The following RORA variants were observed in gnomAD, a reference collection of about 807,000 sequenced individuals.
The protein encoded by RORA is RAR related orphan receptor A.
RORA carries 7 observed loss-of-function variants against 69.5 expected under a neutral mutation model. That is an observed-to-expected ratio of 0.10 (90% CI 0.06 to 0.19). The LOEUF (loss-of-function observed/expected upper bound fraction) is 0.19. RORA is among the 10% of genes least tolerant of loss of function. The pLI is 1.00. For missense variants in RORA, 457 were observed against 663.0 expected (o/e 0.69, Z 3.41); for synonymous variants, 261 against 240.8 (o/e 1.08, Z -0.78).
chr15:60,855,404 T>C (rs2073368423), intron 1 of RORA, among the ~76,000 whole-genome samples: 1 of 152,166 alleles, frequency 6.6e-6, no homozygotes, highest in South Asian at 2.1e-4. Context: ...CACAGAGCCA[T>C]GTTGAGGAGA....
At chr15:61,074,276 A>C (rs1165310843) in intron 1 of RORA, among the ~76,000 whole-genome samples, 1 of 152,212 alleles carries the variant, frequency 6.6e-6, no homozygotes, top group Non-Finnish European at 1.5e-5. Flanking sequence ...TAAAAGAACA[A>C]GATCAAAGGA....
intron 1 of RORA, among the ~76,000 whole-genome samples, chr15:60,913,502 C>T (rs192952814): frequency 3.1e-4 from 47 of 152,316 alleles, no homozygotes; most frequent in Non-Finnish European, 5.6e-4. Flanking sequence ...CAACTTCCCC[C>T]GTGACTGCCA....
intron 1 of RORA, among the ~76,000 whole-genome samples, chr15:61,125,721 C>T (rs923223817): frequency 6.6e-6 from 1 of 152,172 alleles, no homozygotes; most frequent in Non-Finnish European, 1.5e-5. Flanking sequence ...CCTCTTTTCT[C>T]CTCCCAGTTC....
intron 1 of RORA, among the ~76,000 whole-genome samples, chr15:60,917,883 C>G (rs1057174371): frequency 6.6e-6 from 1 of 152,198 alleles, no homozygotes; most frequent in African/African-American, 2.4e-5. Context: ...AGTGACAAAG[C>G]GTGACAGCGT....
In RORA at chr15:60,489,709, C is replaced by G. The variant is rs1287518548; in HGVS notation, c.*7746G>C. The stretch of plus-strand genomic sequence containing the variant: ...ATGTTATGGCAGAGGACGTCTCCAT[C>G]CTTCTCATGACTCAGGTAGGAGGGG... On this transcript the variant is annotated 3_prime_UTR_variant, in exon 11 of 11. Coordinates refer to ENST00000335670, the MANE Select transcript of RORA (RefSeq NM_134261.3). 6.6e-6 allele frequency: 1 copy of G among 152,104 alleles called. No homozygotes were observed. The highest frequency in any genetic ancestry group is 2.4e-5 in the African/African-American group (1 of 41,418). 9.4% of individuals were successfully genotyped at this position (152,104 alleles called of 1,614,324 possible).
chr15:60,926,029 A>G (rs1892207496), intron 1 of RORA, among the ~76,000 whole-genome samples: 1 of 152,162 alleles, frequency 6.6e-6, no homozygotes, highest in Non-Finnish European at 1.5e-5. Context: ...GGGAGGATAG[A>G]GTAGATTGAA....
chr15:60,517,773 G>A (rs770488086), intron 3 of RORA, among the ~76,000 whole-genome samples: 5 of 152,148 alleles, frequency 3.3e-5, no homozygotes, highest in Non-Finnish European at 7.4e-5. Flanking sequence ...ATTTGTTTTT[G>A]CTTTAGCTGA....
chr15:60,570,076 G>T (rs1432859672), intron 2 of RORA, among the ~76,000 whole-genome samples: 2 of 152,044 alleles, frequency 1.3e-5, no homozygotes, highest in Non-Finnish European at 2.9e-5. Flanking sequence ...GGAGGTGAAG[G>T]GGACAGATCC....
At chr15:61,008,108 T>TA (rs1894970652) in intron 1 of RORA, among the ~76,000 whole-genome samples, 1 of 152,096 alleles carries the variant, frequency 6.6e-6, no homozygotes, top group Non-Finnish European at 1.5e-5. Context: ...AATCCTCTGC[T>TA]ATTGAACTAT....
chr15:60,950,258 A>G (rs1413187367), intron 1 of RORA, among the ~76,000 whole-genome samples: 2 of 149,146 alleles, frequency 1.3e-5, no homozygotes, highest in Non-Finnish European at 3.0e-5. Flanking sequence ...TGTCACCACC[A>G]GGCCTGCCCT....
intron 1 of RORA, among the ~76,000 whole-genome samples, chr15:60,810,701 T>C (rs577299341): frequency 3.8e-5 from 5 of 132,748 alleles, no homozygotes; most frequent in African/African-American, 1.3e-4. Context: ...GTCAAGGGTA[T>C]TCCACCCTTT....
intron 1 of RORA, among the ~76,000 whole-genome samples, chr15:61,021,033 GT>G (rs1895496250): frequency 6.6e-6 from 1 of 152,176 alleles, no homozygotes; most frequent in Admixed American, 6.5e-5. Flanking sequence ...GTTGTACAAG[GT>G]CAGGGATCCG....
chr15:60,986,578 G>A (rs1162426328), intron 1 of RORA, among the ~76,000 whole-genome samples: 1 of 152,140 alleles, frequency 6.6e-6, no homozygotes, highest in Non-Finnish European at 1.5e-5. Context: ...CTTTAGACAT[G>A]GGCTCATCTG....
chr15:61,137,479 C>T (rs138368972), intron 1 of RORA, among the ~76,000 whole-genome samples: 2 of 152,348 alleles, frequency 1.3e-5, no homozygotes, highest in East Asian at 3.9e-4. Context: ...CACTTATCCC[C>T]ATTTGTAAAA....
At chr15:61,194,799 T>C (rs189228436) in intron 1 of RORA, among the ~76,000 whole-genome samples, 1 of 152,264 alleles carries the variant, frequency 6.6e-6, no homozygotes, top group African/African-American at 2.4e-5. Flanking sequence ...CGGCCTGGGT[T>C]TGTATTCCAG....
At chr15:60,543,504 G>C (rs1362679476) in intron 2 of RORA, among the ~76,000 whole-genome samples, 1 of 151,680 alleles carries the variant, frequency 6.6e-6, no homozygotes, top group Non-Finnish European at 1.5e-5. Context: ...CTTTAGACAG[G>C]GTCTCACTCT....
intron 1 of RORA, among the ~76,000 whole-genome samples, chr15:60,831,844 C>G (rs1429046075): frequency 1.3e-5 from 2 of 152,192 alleles, no homozygotes; most frequent in Non-Finnish European, 2.9e-5. Flanking sequence ...CTTTTAAAAA[C>G]AAGCGAGTAA....
chr15:60,512,662 A>G (rs1350867375), intron 4 of RORA, among the ~76,000 whole-genome samples: 1 of 152,222 alleles, frequency 6.6e-6, no homozygotes, highest in Admixed American at 6.5e-5. Flanking sequence ...TTTGGAAAGG[A>G]CAAATATGGT....
chr15:61,077,917 A>G (rs979946590), intron 1 of RORA, among the ~76,000 whole-genome samples: 1 of 152,110 alleles, frequency 6.6e-6, no homozygotes, highest in Non-Finnish European at 1.5e-5. Context: ...AGTAGGGTGA[A>G]GGCCCACCAC....
Sources: allele counts gnomAD v4.1 joint callset (sites outside exome capture counted in the v4.1 genomes callset), GRCh38; gene constraint gnomAD v4.1.1; transcripts MANE v1.5; gene names NCBI Gene and HGNC (gene_info 2026-07-23, HGNC 2026-07-21).